SSBP4: variants seen among roughly 807,000 people sequenced by gnomAD.
SSBP4 encodes single stranded DNA binding protein 4, also known as single-stranded DNA-binding protein 4.
A neutral mutation model predicts 64.6 loss-of-function variants in SSBP4; 33 were observed. The observed-to-expected ratio is 0.51, with a 90% CI of 0.39 to 0.68. The LOEUF (loss-of-function observed/expected upper bound fraction) is 0.68, where lower values mean the gene tolerates loss of function less well. Ranked by LOEUF, SSBP4 falls within the 30% of genes least tolerant of loss-of-function variation. The pLI, the probability that SSBP4 is intolerant of heterozygous loss-of-function variation, is 0.00. For synonymous variants in SSBP4, 243 were observed against 224.0 expected (o/e 1.08, Z -0.76); for missense variants, 583 against 566.8 (o/e 1.03, Z -0.29).
intron 10 of SSBP4, 57 bp downstream of exon 10, chr19:18,432,271 GGCTGGGTCA>G: frequency 3.8e-6 from 6 of 1,589,108 alleles, no homozygotes; most frequent in South Asian, 2.2e-5. Context: ...CCAGCTTCAT[GGCTGGGTCA>G]GCTGGGGCAG....
chr19:18,428,654 C>CCGGTGGG (rs1305677229), intron 4 of SSBP4, among the ~76,000 whole-genome samples: 1 of 152,168 alleles, frequency 6.6e-6, no homozygotes, highest in Admixed American at 6.5e-5. Flanking sequence ...GCCGGCTCTG[C>CCGGTGGG]CGGTGGGCGT....
chr19:18,422,025 G>A (rs1485174510), intron 1 of SSBP4, among the ~76,000 whole-genome samples: 1 of 152,184 alleles, frequency 6.6e-6, no homozygotes, highest in Non-Finnish European at 1.5e-5. Flanking sequence ...GCCGGGCATG[G>A]TGGCGGGTGC....
In SSBP4 at chr19:18,432,870, G is replaced by C; in HGVS notation, c.828G>C (p.Met276Ile). The C allele has an allele frequency of 6.2e-7, 1 of 1,614,034 alleles. No homozygotes were observed. Residue 276 changes from methionine to isoleucine, a missense_variant, in exon 13 of 18, where the codon ATG becomes ATC. This residue lies in a region of SSBP4 where 444 missense variants were observed against 386.6 expected (regional missense o/e 1.15). Coordinates refer to ENST00000270061, the MANE Select transcript of SSBP4 (RefSeq NM_032627.5). Reference protein sequence around the residue: ...GGGGPPGTPIMPSPGDSTNSS... With the variant: ...GGGGPPGTPIIPSPGDSTNSS... ...GTGGGCCCCCTGGAACACCCATCAT[G>C]CCTAGCCCTGGAGGTATGGCCTAGT...
intron 15 of SSBP4, 22 bp downstream of exon 15, chr19:18,433,235 C>T (rs781479629): frequency 1.3e-6 from 2 of 1,547,566 alleles, no homozygotes; most frequent in Admixed American, 2.0e-5. Flanking sequence ...TCCCTGCTCC[C>T]GCCCACGTTG....
the SSBP4 span, among the ~76,000 whole-genome samples, chr19:18,407,593 G>A: frequency 0.065 from 9,721 of 150,616 alleles, 332 homozygotes; most frequent in Middle Eastern, 0.14. Flanking sequence ...CACCACGCCC[G>A]GTTAATTTTT....
upstream of SSBP4, among the ~76,000 whole-genome samples, chr19:18,416,632 C>T (rs1353405820): frequency 6.6e-6 from 1 of 152,258 alleles, no homozygotes; most frequent in Non-Finnish European, 1.5e-5. Context: ...TCATCCCCCT[C>T]TTCTTCACCC....
chr19:18,411,128 A>G, the SSBP4 span, among the ~76,000 whole-genome samples: 1 of 152,086 alleles, frequency 6.6e-6, no homozygotes, highest in Non-Finnish European at 1.5e-5. Flanking sequence ...AAAGCAAAAC[A>G]TAGAAACCTC....
Position 18,423,083 on chromosome 19 carries a change from G to C in SSBP4, c.59+3376G>C, listed in dbSNP as rs1342637990. 6.6e-6 allele frequency among the ~76,000 whole-genome samples: 1 copy of C among 152,254 alleles called. No individual in the cohort carries two copies. The highest frequency in any genetic ancestry group is 6.5e-5 in the Admixed American group (1 of 15,288). On this transcript the variant is annotated intron_variant, in intron 1 of 17. Transcript: ENST00000270061. This position sits in a 1 kb window ranked among gnomAD's most constrained non-coding sequence, Gnocchi z 4.0. ...GTGACTGTGGAGTGCAGGGGCAGCA[G>C]AGTGGGCTGAGGGAGGCTGGGGTCT...
At chr19:18,424,168 C>T (rs75933304) in intron 1 of SSBP4, among the ~76,000 whole-genome samples, 1 of 152,242 alleles carries the variant, frequency 6.6e-6, no homozygotes. Context: ...GGCCTCCCAT[C>T]GCTCCCAGGA....
Position 18,432,071 on chromosome 19 carries a change from G to T in SSBP4, c.636+1G>T. 6.3e-7 allele frequency: 1 copy of T among 1,594,800 alleles called. No individual in the cohort carries two copies. The highest frequency in any genetic ancestry group is 8.6e-7 in the Non-Finnish European group (1 of 1,167,388). ...TGGCATGGCCAGCGTGGGGCCCCAG[G>T]TAAGAGTGGAGCCCTGGTGGGTGGG... is the stretch of plus-strand genomic sequence containing the variant. On this transcript the variant is annotated splice_donor_variant, in intron 9 of 17. Coordinates refer to ENST00000270061, the MANE Select transcript of SSBP4 (RefSeq NM_032627.5). LOFTEE classifies it high-confidence loss of function.
upstream of SSBP4, among the ~76,000 whole-genome samples, chr19:18,417,591 C>G (rs570198126): frequency 6.6e-6 from 1 of 152,294 alleles, no homozygotes; most frequent in Non-Finnish European, 1.5e-5. This position sits in a 1 kb window ranked among gnomAD's most constrained non-coding sequence, Gnocchi z 5.4. Context: ...GAAGCCCACG[C>G]CCCCCGTGGT....
At chr19:18,434,123 C>G in intron 17 of SSBP4, 94 bp from the exon 18 acceptor site, 3 of 1,582,946 alleles carry the variant, frequency 1.9e-6, no homozygotes, top group Non-Finnish European at 2.6e-6. Context: ...CAGGACCCAG[C>G]CCTGCCCTGT....
upstream of SSBP4, among the ~76,000 whole-genome samples, chr19:18,416,825 T>TG (rs927950715): frequency 3.3e-5 from 5 of 152,096 alleles, no homozygotes; most frequent in East Asian, 1.9e-4. Flanking sequence ...TTCGCGTGGG[T>TG]GGGGGGTCCC....
chr19:18,419,002 C>G (rs1972238583), upstream of SSBP4: 5 of 985,454 alleles, frequency 5.1e-6, no homozygotes, highest in Admixed American at 6.1e-5. Flanking sequence ...GGTGAGACAC[C>G]CAATGTCACT....
At chr19:18,405,748 A>G in the SSBP4 span, among the ~76,000 whole-genome samples, 1 of 152,142 alleles carries the variant, frequency 6.6e-6, no homozygotes, top group Non-Finnish European at 1.5e-5. Flanking sequence ...GCACTTTGGG[A>G]GATCGAGAGC....
At chr19:18,431,932 C>G in intron 8 of SSBP4, 68 bp from the exon 9 acceptor site, 2 of 1,562,412 alleles carry the variant, frequency 1.3e-6, no homozygotes, top group South Asian at 1.2e-5. Context: ...CCAGACCTTG[C>G]TGCCTCCCCA....
rs1023814352 is a variant in SSBP4, at chr19:18,432,543, C to G, written c.705-16C>G. The G allele has an allele frequency of 6.4e-7, 1 of 1,564,874 alleles. No individual in the cohort carries two copies. The highest frequency in any genetic ancestry group is 1.8e-5 in the Admixed American group (1 of 55,584). Reference sequence around the variant, plus strand: ...ATGGACTAGCCCCAGAGTCTGTCATCCGCGGTCTCTTCCAGGGGCCCAGGA... The same window carrying G: ...ATGGACTAGCCCCAGAGTCTGTCATGCGCGGTCTCTTCCAGGGGCCCAGGA... On this transcript the variant is annotated splice_polypyrimidine_tract_variant and intron_variant, in intron 10 of 17. Transcript: ENST00000270061.
chr19:18,427,651 C>T lies in SSBP4; in HGVS notation c.133-101C>T. The T allele has an allele frequency of 7.1e-7, 1 of 1,405,206 alleles. No homozygotes were observed. Among genetic ancestry groups the T allele is most frequent in the Non-Finnish European group, 9.6e-7 (1 of 1,043,110 alleles). 87.0% of individuals were successfully genotyped at this position (1,405,206 alleles called of 1,614,324 possible). A position where few individuals can be genotyped will look rare whatever the true frequency, so the allele number is the denominator to read the frequency against. ...CCTCTGCCCACCCTGTTACCCTTCC[C>T]TCCCCACTCCCTCCCTGCCCAGATG... is the stretch of plus-strand genomic sequence containing the variant. On this transcript the variant is annotated intron_variant, in intron 2 of 17. Transcript: ENST00000270061. The surrounding 1 kb of genome is among the most constrained non-coding windows in gnomAD (Gnocchi z 4.4).
At chr19:18,407,236 C>T in the SSBP4 span, among the ~76,000 whole-genome samples, 2 of 151,788 alleles carry the variant, frequency 1.3e-5, no homozygotes, top group South Asian at 4.1e-4. Flanking sequence ...CGGGGTTTCA[C>T]CTTGTTGGCC....
Sources: allele counts gnomAD v4.1 joint callset (sites outside exome capture counted in the v4.1 genomes callset), GRCh38; gene constraint gnomAD v4.1.1; regional missense constraint gnomAD v4.1.1; non-coding constraint Gnocchi (gnomAD v3.1); transcripts MANE v1.5; gene names NCBI Gene and HGNC (gene_info 2026-07-23, HGNC 2026-07-21).